TANGO6: variants seen among roughly 807,000 people sequenced by gnomAD.
TANGO6 encodes transport and Golgi organization protein 6 homolog.
TANGO6 carries 90 observed loss-of-function variants against 114.2 expected under a neutral mutation model. The observed-to-expected ratio is 0.79, with a 90% CI of 0.66 to 0.94. TANGO6 has a LOEUF of 0.94. TANGO6 is among the 40% of genes least tolerant of loss of function. The probability of loss-of-function intolerance (pLI) is 0.00; values close to 1 mark genes in which losing one functional copy is unlikely to be tolerated. For missense variants in TANGO6, 1,274 were observed against 1,315.3 expected (o/e 0.97, Z 0.49); for synonymous variants, 477 against 509.8 (o/e 0.94, Z 0.87).
intron 17 of TANGO6, among the ~76,000 whole-genome samples, chr16:69,045,587 C>G (rs1051243444): frequency 2.7e-5 from 4 of 148,704 alleles, no homozygotes; most frequent in African/African-American, 7.5e-5. Flanking sequence ...ACTAAAAATA[C>G]AAAAAATTAG....
chr16:68,882,367 G>A (rs1383748576), intron 7 of TANGO6, among the ~76,000 whole-genome samples: 1 of 151,914 alleles, frequency 6.6e-6, no homozygotes, highest in South Asian at 2.1e-4. Flanking sequence ...CGTGGTGGCA[G>A]GCACCTGTAG....
intron 1 of TANGO6, chr16:68,846,978 C>T (rs918187722): frequency 5.9e-5 from 9 of 151,676 alleles, no homozygotes; most frequent in Admixed American, 4.6e-4. Flanking sequence ...GCCACCTCCG[C>T]CTCCCGGATT....
intron 14 of TANGO6, among the ~76,000 whole-genome samples, chr16:68,950,780 G>A (rs1274317154): frequency 5.8e-4 from 86 of 148,600 alleles, no homozygotes; most frequent in East Asian, 2.0e-3. Flanking sequence ...AATCGCTTGA[G>A]CCTGGGAGGC....
chr16:68,949,110 T>G (rs1963445095), intron 14 of TANGO6, among the ~76,000 whole-genome samples: 1 of 151,282 alleles, frequency 6.6e-6, no homozygotes, highest in Admixed American at 6.6e-5. Context: ...CGCTTGAACC[T>G]GGGAGGGGCA....
chr16:69,020,956 T>A (rs1401621228), intron 15 of TANGO6, among the ~76,000 whole-genome samples: 1 of 143,402 alleles, frequency 7.0e-6, no homozygotes, highest in Non-Finnish European at 1.5e-5. Flanking sequence ...TGTGTGTGTA[T>A]GCGGAATCTT....
At chr16:68,961,250 G>T (rs187324181) in intron 14 of TANGO6, among the ~76,000 whole-genome samples, 49 of 152,314 alleles carry the variant, frequency 3.2e-4, no homozygotes, top group African/African-American at 1.1e-3. Context: ...GTTAGGATTT[G>T]CAAAGCTAGT....
intron 17 of TANGO6, 135 bp from the exon 18 acceptor site, chr16:69,083,350 C>A: frequency 8.7e-7 from 1 of 1,152,144 alleles, no homozygotes; most frequent in Non-Finnish European, 1.2e-6. Context: ...TGAGCCACTG[C>A]ACCCAGCCAC....
At chr16:68,886,016 G>A (rs1464780174) in intron 7 of TANGO6, among the ~76,000 whole-genome samples, 2 of 152,180 alleles carry the variant, frequency 1.3e-5, no homozygotes, top group East Asian at 1.9e-4. Flanking sequence ...AGCAATGAGG[G>A]CTCTAATTTC....
chr16:68,910,383 C>T (rs1962906392), intron 11 of TANGO6, among the ~76,000 whole-genome samples: 2 of 152,256 alleles, frequency 1.3e-5, no homozygotes, highest in African/African-American at 4.8e-5. Flanking sequence ...ATTTGTTTCT[C>T]CTGTGTTTAT....
At chr16:69,027,925 C>T (rs1034672302) in intron 16 of TANGO6, among the ~76,000 whole-genome samples, 9 of 151,924 alleles carry the variant, frequency 5.9e-5, no homozygotes, top group Non-Finnish European at 1.0e-4. Context: ...GGATTACAGG[C>T]GCCTGCCACC....
Position 68,875,267 on chromosome 16 carries a change from T to C in TANGO6, c.1108T>C (p.Tyr370His). The C allele has an allele frequency of 6.2e-7, 1 of 1,613,592 alleles. No homozygotes were observed. Among genetic ancestry groups the C allele is most frequent in the Non-Finnish European group, 8.5e-7 (1 of 1,179,664 alleles). ...CCAGCAGTCTCTTTCACCAGAGAATTACTACAGGGACATCTGCCCCCAGGT... is the reference window on the plus strand; with the variant it reads ...CCAGCAGTCTCTTTCACCAGAGAATCACTACAGGGACATCTGCCCCCAGGT... ...CPQQSLSPEN[Y>H]YRDICPQVLD... The change falls in exon 5 of 18, where the codon TAC (tyrosine) becomes CAC (histidine). Residue 370 changes from tyrosine to histidine, a missense_variant. Tyr to His is a moderately conservative substitution (Grantham distance 83). Coordinates refer to ENST00000261778, the MANE Select transcript of TANGO6 (RefSeq NM_024562.2).
At chr16:69,018,490 G>A (rs1280942208) in intron 15 of TANGO6, among the ~76,000 whole-genome samples, 4 of 151,686 alleles carry the variant, frequency 2.6e-5, no homozygotes, top group Non-Finnish European at 5.9e-5. Context: ...TTACTCATAG[G>A]TAACTCATAG....
At chr16:68,924,300 C>T (rs555322008) in intron 12 of TANGO6, among the ~76,000 whole-genome samples, 4 of 152,322 alleles carry the variant, frequency 2.6e-5, no homozygotes, top group East Asian at 1.9e-4. Context: ...CAGTGGCTCA[C>T]GCCTATAATC....
In TANGO6 at chr16:68,886,218, AT is replaced by A. The variant is rs796877466; in HGVS notation, c.1377+5600del. On this transcript the variant is annotated intron_variant, in intron 7 of 17. Coordinates refer to ENST00000261778, the MANE Select transcript of TANGO6 (RefSeq NM_024562.2). ...AAATGTCTATTAAGGCCCTTTGTCC[AT>A]TTTTTTTTTTTCTGAGACAGAGTCT... 6.4e-3 allele frequency among the ~76,000 whole-genome samples: 917 copies of A among 143,810 alleles called. 8 individuals carry two copies. The highest frequency in any genetic ancestry group is 0.02 in the African/African-American group (810 of 39,602). The allele number at this position is 143,810 out of a possible 152,430, so 94.3% of individuals were successfully genotyped here.
intron 11 of TANGO6, 92 bp downstream of exon 11, chr16:68,909,494 C>T: frequency 3.3e-6 from 4 of 1,198,322 alleles, no homozygotes; most frequent in Non-Finnish European, 4.4e-6. Context: ...TTGATGACAC[C>T]TGGATCATGA....
intron 17 of TANGO6, among the ~76,000 whole-genome samples, chr16:69,074,477 C>A (rs952470008): frequency 2.0e-5 from 3 of 151,964 alleles, no homozygotes; most frequent in Admixed American, 6.6e-5. Flanking sequence ...CGTGTCCACC[C>A]TAGATACAAT....
intron 4 of TANGO6, among the ~76,000 whole-genome samples, chr16:68,872,355 G>A (rs1962285506): frequency 6.6e-6 from 1 of 150,922 alleles, no homozygotes; most frequent in Admixed American, 6.6e-5. Flanking sequence ...AGGCTGGAGT[G>A]CAATGGCACG....
At chr16:68,877,791 G>A (rs1264816203) in intron 5 of TANGO6, among the ~76,000 whole-genome samples, 1 of 151,986 alleles carries the variant, frequency 6.6e-6, no homozygotes, top group Non-Finnish European at 1.5e-5. Flanking sequence ...TGTATTTTTA[G>A]TAGAGACAGG....
intron 5 of TANGO6, among the ~76,000 whole-genome samples, chr16:68,875,769 C>T (rs75590912): frequency 8.8e-6 from 1 of 113,416 alleles, no homozygotes; most frequent in Non-Finnish European, 2.0e-5. Context: ...AACTCCGTCT[C>T]AAAAAAAAAA....
Sources: gnomAD v4.1 joint callset for allele counts (sites outside exome capture counted in the v4.1 genomes callset) on GRCh38, gnomAD v4.1.1 for gene constraint, MANE v1.5 for transcripts, NCBI Gene and HGNC (gene_info 2026-07-23, HGNC 2026-07-21) for gene names.